The following MICB variants were observed in gnomAD, a reference collection of about 807,000 sequenced individuals.
MICB encodes MHC class I antigen-related protein B.
MICB carries 27 observed loss-of-function variants against 34.3 expected under a neutral mutation model. The observed-to-expected ratio is 0.79, with a 90% CI of 0.58 to 1.08. The LOEUF (loss-of-function observed/expected upper bound fraction) is 1.08, where lower values mean the gene tolerates loss of function less well. Among genes scored for constraint, MICB ranks in the 50% least tolerant of loss-of-function variants. MICB has a pLI of 0.00. For synonymous variants in MICB, 153 were observed against 187.4 expected, an observed-to-expected ratio of 0.82 and a Z score of 1.50; for missense variants, 426 against 483.1, an observed-to-expected ratio of 0.88 and a Z score of 1.11.
At chr6:31,495,976 C>G (rs540644307), upstream of MICB, among the ~76,000 whole-genome samples, 1 of 152,230 alleles carries the variant, frequency 6.6e-6, no homozygotes, top group Admixed American at 6.5e-5. Context: ...TGGGCTAGAT[C>G]AGTAGTTCTA....
chr6:31,498,415 C>A, intron 1 of MICB, 152 bp downstream of exon 1: 4 of 348,464 alleles, frequency 1.1e-5, no homozygotes, highest in East Asian at 7.2e-5. Flanking sequence ...GTTCCCGCCA[C>A]ACCTCAGCCC....
upstream of MICB, among the ~76,000 whole-genome samples, chr6:31,495,783 A>G (rs1764620958): frequency 6.6e-6 from 1 of 152,066 alleles, no homozygotes; most frequent in Admixed American, 6.6e-5. Context: ...GCTACTCAAG[A>G]GGCTGTGGTG....
upstream of MICB, among the ~76,000 whole-genome samples, chr6:31,496,417 A>C (rs1048275046): frequency 3.1e-5 from 4 of 128,612 alleles, no homozygotes; most frequent in African/African-American, 1.2e-4. Flanking sequence ...CCCAGGCTGG[A>C]GTGCAGTGGC....
rs777240352 is a variant in MICB at position 31,509,931 on chromosome 6, G to C, written c.*22G>C. 1.3e-6 allele frequency: 2 copies of C among 1,579,586 alleles called. No homozygotes were observed. Among genetic ancestry groups the C allele is most frequent in the South Asian group, 2.3e-5 (2 of 85,890 alleles). ...CTAGACTCTACAGCCAGGCGGCCAG[G>C]ATTCAACTCCCTGCCTGGATCTCAC... On this transcript the variant is annotated 3_prime_UTR_variant, in exon 6 of 6. Coordinates refer to ENST00000252229, the MANE Select transcript of MICB (RefSeq NM_005931.5).
At chr6:31,504,983 C>T (rs558317811) in intron 1 of MICB, among the ~76,000 whole-genome samples, 55 of 152,278 alleles carry the variant, frequency 3.6e-4, no homozygotes, top group African/African-American at 1.3e-3. Context: ...CTAGCTGGTC[C>T]ATCCAATTGC....
chr6:31,498,066 G>T, upstream of MICB: 1 of 601,000 alleles, frequency 1.7e-6, no homozygotes. Context: ...TAAGTTCCGG[G>T]CCTCAGTTTT....
rs1176761730 is a variant in MICB at position 31,507,223 on chromosome 6, T to A, written c.815T>A (p.Ile272Asn). Residue 272 changes from isoleucine to asparagine, a missense_variant, in exon 4 of 6, where the codon ATT (isoleucine) becomes AAT (asparagine). Coordinates refer to ENST00000252229, the MANE Select transcript of MICB (RefSeq NM_005931.5). This position sits in a 1 kb window ranked among gnomAD's most constrained non-coding sequence, Gnocchi z 6.0. The stretch of plus-strand genomic sequence containing the variant: ...TACCAGACCTGGGTGGCCACCAGGA[T>A]TCGCCAAGGAGAGGAGCAGAGGTTC... The part of the protein sequence containing the change: ...GTYQTWVATR[I>N]RQGEEQRFTC... The A allele has an allele frequency of 3.1e-6, 5 of 1,614,016 alleles. No individual in the cohort carries two copies. The East Asian group carries it at 1.1e-4, about 36-fold the overall frequency.
intron 1 of MICB, chr6:31,498,770 T>C (rs3134897): frequency 0.8 from 126,752 of 158,692 alleles, 50,989 homozygotes; most frequent in East Asian, 0.91. Context: ...CCCGACCTCC[T>C]GTCTCCTTTC....
intron 3 of MICB, among the ~76,000 whole-genome samples, chr6:31,506,670 G>A (rs1765348540): frequency 6.6e-6 from 1 of 152,198 alleles, no homozygotes; most frequent in Non-Finnish European, 1.5e-5. Flanking sequence ...GCCTGAGCCT[G>A]GTGTGGGAGT....
At chr6:31,496,958 A>G (rs1221258694), upstream of MICB, among the ~76,000 whole-genome samples, 2 of 152,110 alleles carry the variant, frequency 1.3e-5, no homozygotes, top group African/African-American at 4.8e-5. Context: ...CACCAGAGAA[A>G]TGGGGGTGGT....
chr6:31,506,532 G>A (rs1765341049), intron 3 of MICB, 102 bp downstream of exon 3: 1 of 1,299,028 alleles, frequency 7.7e-7, no homozygotes, highest in Admixed American at 2.5e-5. Context: ...TATGGATGCA[G>A]GCGTTTCCTG....
Position 31,507,236 on chromosome 6 carries a change from G to A in MICB, c.828G>A (p.Glu276=). ...TGGCCACCAGGATTCGCCAAGGAGA[G>A]GAGCAGAGGTTCACCTGCTACATGG... ...TWVATRIRQG[E]EQRFTCYMEH... Residue 276 remains glutamate, a synonymous_variant, in exon 4 of 6, where the codon GAG becomes GAA. Coordinates refer to ENST00000252229, the MANE Select transcript of MICB (RefSeq NM_005931.5). The surrounding 1 kb of genome is among the most constrained non-coding windows in gnomAD (Gnocchi z 6.0). 1 of 1,614,168 alleles carries A rather than the reference G, an allele frequency of 6.2e-7. No individual in the cohort carries two copies. The highest frequency in any genetic ancestry group is 1.3e-5 in the African/African-American group (1 of 75,032).
intron 1 of MICB, among the ~76,000 whole-genome samples, chr6:31,498,966 C>A (rs1764863828): frequency 6.6e-6 from 1 of 150,866 alleles, no homozygotes; most frequent in Non-Finnish European, 1.5e-5. Context: ...GCAGCCACTT[C>A]CCCCGGTGCT....
rs1765598312 is a variant in MICB, at chr6:31,510,261, T to C, written c.*352T>C. ...TATCTACTGGGTCATCTAGAGCCTA[T>C]TGTTTGAGGAATGCAGTCTTACAAG... On this transcript the variant is annotated 3_prime_UTR_variant, in exon 6 of 6. Coordinates refer to ENST00000252229, the MANE Select transcript of MICB (RefSeq NM_005931.5). 1 of 180,836 alleles carries C rather than the reference T, an allele frequency of 5.5e-6. No individual in the cohort carries two copies. 11.2% of individuals were successfully genotyped at this position (180,836 alleles called of 1,614,324 possible).
At chr6:31,505,914 G>T (rs1490648737) in intron 2 of MICB, 43 bp downstream of exon 2, 2 of 1,549,766 alleles carry the variant, frequency 1.3e-6, no homozygotes, top group South Asian at 2.4e-5. Flanking sequence ...GCCTTCTCCA[G>T]GAAAGTTGGA....
At position 31,498,237 on chromosome 6, in the gene MICB, CT is replaced by C; in HGVS notation, c.48del (p.Phe16LeufsTer74). ...RVLLFLAVAF[P>X]FAPPAAAAEP... ...CTGCTGTTTCTGGCCGTCGCCTTCC[CT>C]TTTGCACCCCCGGCAGCCGCCGCTG... On this transcript the variant is annotated frameshift_variant, in exon 1 of 6. Coordinates refer to ENST00000252229, the MANE Select transcript of MICB (RefSeq NM_005931.5). LOFTEE classifies it high-confidence loss of function. The C allele has an allele frequency of 1.3e-6, 2 of 1,583,026 alleles. No individual in the cohort carries two copies. The highest frequency in any genetic ancestry group is 4.9e-5 in the East Asian group (2 of 40,662).
chr6:31,506,493 A>G, intron 3 of MICB, 63 bp downstream of exon 3: 1 of 1,553,834 alleles, frequency 6.4e-7, no homozygotes, highest in East Asian at 2.3e-5. Context: ...CTCGCCTCCC[A>G]GCTCTGTCCG....
intron 5 of MICB, among the ~76,000 whole-genome samples, chr6:31,509,336 T>C (rs985442400): frequency 1.2e-4 from 18 of 150,534 alleles, no homozygotes; most frequent in African/African-American, 3.9e-4. Flanking sequence ...AGGGGAGGAG[T>C]GCTGAGCTGC....
At position 31,505,738 on chromosome 6, in the gene MICB, C is replaced by T; in HGVS notation, c.192C>T (p.Arg64=). Reference sequence around the variant, plus strand: ...TCCTGCGCTATGACAGGCAGAAACGCAGGGCAAAGCCCCAGGGACAGTGGG... The same window carrying T: ...TCCTGCGCTATGACAGGCAGAAACGTAGGGCAAAGCCCCAGGGACAGTGGG... ...QPFLRYDRQK[R]RAKPQGQWAE... Residue 64 remains arginine, a synonymous_variant, in exon 2 of 6, where the codon CGC becomes CGT. Coordinates refer to ENST00000252229, the MANE Select transcript of MICB (RefSeq NM_005931.5). 2.5e-6 allele frequency: 4 copies of T among 1,613,164 alleles called. No homozygotes were observed. The highest frequency in any genetic ancestry group is 3.4e-6 in the Non-Finnish European group (4 of 1,180,048).
Sources: allele counts gnomAD v4.1 joint callset (sites outside exome capture counted in the v4.1 genomes callset), GRCh38; gene constraint gnomAD v4.1.1; non-coding constraint Gnocchi (gnomAD v3.1); transcripts MANE v1.5; gene names NCBI Gene and HGNC (gene_info 2026-07-23, HGNC 2026-07-21).